CUL3: variants seen among roughly 807,000 people sequenced by gnomAD.
The protein encoded by CUL3 is cullin-3.
Under a neutral mutation model 89.1 loss-of-function variants are expected in CUL3, and 19 were observed. That is an observed-to-expected ratio of 0.21 (90% CI 0.15 to 0.31). CUL3 has a LOEUF of 0.31. CUL3 is among the 10% of genes least tolerant of loss of function. CUL3 has a pLI of 1.00. For missense variants in CUL3, 469 were observed against 942.3 expected (o/e 0.50, Z 6.58); for synonymous variants, 351 against 308.4 (o/e 1.14, Z -1.45).
At chr2:224,492,599 T>C (rs1692028243) in intron 13 of CUL3, among the ~76,000 whole-genome samples, 1 of 152,222 alleles carries the variant, frequency 6.6e-6, no homozygotes, top group Non-Finnish European at 1.5e-5. Context: ...TTCCTATTTT[T>C]AGCTGTTCTA....
intron 2 of CUL3, among the ~76,000 whole-genome samples, chr2:224,551,763 T>C (rs927123124): frequency 6.6e-6 from 1 of 152,220 alleles, no homozygotes; most frequent in Non-Finnish European, 1.5e-5. Flanking sequence ...TGAGAATGTA[T>C]GGCTCAGAAA....
chr2:224,519,160 C>G (rs796125064), intron 3 of CUL3, among the ~76,000 whole-genome samples: 1 of 152,154 alleles, frequency 6.6e-6, no homozygotes, highest in Non-Finnish European at 1.5e-5. Flanking sequence ...CCTCATGCAT[C>G]GGGTTGCAGC....
intron 1 of CUL3, 109 bp downstream of exon 1, chr2:224,584,835 G>C (rs1201054135): frequency 9.0e-6 from 6 of 670,060 alleles, no homozygotes; most frequent in Non-Finnish European, 1.2e-5. Flanking sequence ...GGGCGTGGGG[G>C]AGGGGAGGCC....
chr2:224,568,343 T>C (rs959027745), intron 1 of CUL3, among the ~76,000 whole-genome samples: 1 of 152,254 alleles, frequency 6.6e-6, no homozygotes, highest in Non-Finnish European at 1.5e-5. Context: ...CCCATGTAGC[T>C]GAATTATCTG....
At chr2:224,535,991 C>T (rs1297415308) in intron 2 of CUL3, among the ~76,000 whole-genome samples, 1 of 152,172 alleles carries the variant, frequency 6.6e-6, no homozygotes, top group East Asian at 1.9e-4. Context: ...TTTCCTACTA[C>T]ACCTTCCCTT....
At chr2:224,478,475 T>C (rs1691406529) in intron 14 of CUL3, 130 bp from the exon 15 acceptor site, 1 of 695,294 alleles carries the variant, frequency 1.4e-6, no homozygotes. Flanking sequence ...CACTTATTAA[T>C]TCAAGTACGC....
chr2:224,525,120 A>G (rs1453822189), intron 3 of CUL3, among the ~76,000 whole-genome samples: 1 of 152,114 alleles, frequency 6.6e-6, no homozygotes, highest in Admixed American at 6.6e-5. Context: ...TTTTAAATGT[A>G]AACAAACTAA....
intron 1 of CUL3, among the ~76,000 whole-genome samples, chr2:224,579,795 T>G (rs1431130907): frequency 1.3e-5 from 2 of 152,188 alleles, no homozygotes; most frequent in Non-Finnish European, 2.9e-5. Flanking sequence ...ACAGTCACCT[T>G]CATAACAGGT....
rs960008010 is a variant in CUL3, at chr2:224,513,476, C to T, written c.654+48G>A. On this transcript the variant is annotated intron_variant, in intron 5 of 15. Transcript: ENST00000264414. ...TTAAATTAGTAACTATATTAAATAA[C>T]ATTAAGAACATCTTAAAAGATTATT... 3.3e-6 allele frequency: 4 copies of T among 1,197,484 alleles called. No homozygotes were observed. In the African/African-American group the frequency reaches 6.3e-5, roughly 19 times the overall value. The allele number at this position is 1,197,484 out of a possible 1,614,324, so 74.2% of individuals were successfully genotyped here. A position where few individuals can be genotyped will look rare whatever the true frequency, so the allele number is the denominator to read the frequency against.
intron 13 of CUL3, among the ~76,000 whole-genome samples, chr2:224,486,048 A>G (rs960201247): frequency 2.6e-5 from 4 of 152,292 alleles, no homozygotes; most frequent in Admixed American, 2.0e-4. Context: ...ACTAACAAAC[A>G]GAAAGCAATA....
intron 13 of CUL3, among the ~76,000 whole-genome samples, chr2:224,482,598 A>C (rs1691575963): frequency 6.6e-6 from 1 of 152,116 alleles, no homozygotes; most frequent in Non-Finnish European, 1.5e-5. Flanking sequence ...GAAAAAAAAA[A>C]ACCTGGAATT....
intron 3 of CUL3, among the ~76,000 whole-genome samples, chr2:224,527,808 C>T (rs1359537391): frequency 6.6e-6 from 1 of 152,084 alleles, no homozygotes; most frequent in Non-Finnish European, 1.5e-5. Flanking sequence ...ATGAGATTCA[C>T]TTGCTTCCTT....
At chr2:224,542,056 A>T (rs1694128444) in intron 2 of CUL3, among the ~76,000 whole-genome samples, 1 of 152,208 alleles carries the variant, frequency 6.6e-6, no homozygotes, top group African/African-American at 2.4e-5. Context: ...ATTTTTAAAA[A>T]TTTGAATTAT....
intron 3 of CUL3, among the ~76,000 whole-genome samples, chr2:224,529,142 TAATA>T (rs1379199558): frequency 6.6e-6 from 1 of 152,122 alleles, no homozygotes; most frequent in East Asian, 1.9e-4. Context: ...AACCAAATAT[TAATA>T]AATACTTATG....
At chr2:224,552,077 T>C (rs1694535073) in intron 2 of CUL3, among the ~76,000 whole-genome samples, 1 of 152,204 alleles carries the variant, frequency 6.6e-6, no homozygotes, top group Non-Finnish European at 1.5e-5. Flanking sequence ...TCCTTACACC[T>C]AGCACAGAGC....
rs751228695 is a variant in CUL3 at position 224,503,669 on chromosome 2, T to C, written c.1360A>G (p.Met454Val). The C allele has an allele frequency of 1.3e-6, 2 of 1,590,242 alleles. No individual in the cohort carries two copies. The highest frequency in any genetic ancestry group is 2.2e-5 in the East Asian group (1 of 44,666). ...CACCTTACCTTTAACTTAGATATCA[T>C]GTTTTTTTCAGAGTCATCAGAAACA... ...KSVSDDSEKN[M>V]ISKLKTECGC... The change falls in exon 9 of 16, where the codon ATG (methionine) becomes GTG (valine). Residue 454 changes from methionine to valine, a missense_variant. This residue lies in a region of CUL3 where 370 missense variants were observed against 733.2 expected (regional missense o/e 0.50). Transcript: ENST00000264414.
chr2:224,504,264 A>G (rs1360089102), intron 8 of CUL3: 2 of 153,268 alleles, frequency 1.3e-5, no homozygotes, highest in East Asian at 3.8e-4. Flanking sequence ...ATAATTTGTT[A>G]TAATCCAAAC....
intron 3 of CUL3, among the ~76,000 whole-genome samples, chr2:224,526,008 G>T (rs1201155955): frequency 1.3e-5 from 2 of 152,172 alleles, no homozygotes; most frequent in Non-Finnish European, 2.9e-5. Flanking sequence ...GTATGTGCAT[G>T]CACACATGCC....
At position 224,487,373 on chromosome 2, in the gene CUL3, T is replaced by C. The variant is rs1691765453; in HGVS notation, c.1843-5295A>G. ...CAGTGTGCTGTATTCAGGAGACCCA[T>C]CTTACATGCAAAGGCACACACAGGC... On this transcript the variant is annotated intron_variant, in intron 13 of 15. Coordinates refer to ENST00000264414, the MANE Select transcript of CUL3 (RefSeq NM_003590.5). Among the ~76,000 whole-genome samples the C allele has an allele frequency of 2.1e-5, 3 of 143,074 alleles. No homozygotes were observed. In the South Asian group the frequency reaches 6.7e-4, roughly 32 times the overall value. 93.9% of individuals were successfully genotyped at this position (143,074 alleles called of 152,430 possible). A position where few individuals can be genotyped will look rare whatever the true frequency, so the allele number is the denominator to read the frequency against.
Sources: gnomAD v4.1 joint callset for allele counts (sites outside exome capture counted in the v4.1 genomes callset) on GRCh38, gnomAD v4.1.1 for gene constraint, gnomAD v4.1.1 regional missense constraint, MANE v1.5 for transcripts, NCBI Gene and HGNC (gene_info 2026-07-23, HGNC 2026-07-21) for gene names.